Variants in DLGAP5 observed in about 807,000 individuals in gnomAD.
DLGAP5 encodes disks large-associated protein 5.
In DLGAP5, 90 loss-of-function variants were observed where a neutral mutation model predicts 99.6. The ratio of observed to expected loss-of-function variants is 0.90; its 90% CI spans 0.76 to 1.08. The LOEUF (loss-of-function observed/expected upper bound fraction) is 1.08. DLGAP5 is among the 50% of genes least tolerant of loss of function. The pLI, the probability that DLGAP5 is intolerant of heterozygous loss-of-function variation, is 0.00. For synonymous variants in DLGAP5, 311 were observed against 321.3 expected, an observed-to-expected ratio of 0.97 and a Z score of 0.34; for missense variants, 1,036 against 983.5, an observed-to-expected ratio of 1.05 and a Z score of -0.71.
At chr14:55,148,594 C>T (rs1006026505) in intron 18 of DLGAP5, 121 bp from the exon 19 acceptor site, 1 of 1,552,870 alleles carries the variant, frequency 6.4e-7, no homozygotes, top group East Asian at 2.4e-5. Context: ...TGGTGCACAC[C>T]TGTAGTCCCA....
Position 55,163,090 on chromosome 14 carries a change from C to A in DLGAP5, c.1549-15G>T. On this transcript the variant is annotated splice_polypyrimidine_tract_variant and intron_variant, in intron 12 of 18. Coordinates refer to ENST00000247191, the MANE Select transcript of DLGAP5 (RefSeq NM_014750.5). ...ACATCTTCTATCTGTTAATAAAGCA[C>A]AAGTTTACCAGATTAATGCTAGCCA... 1 of 1,503,204 alleles carries A rather than the reference C, an allele frequency of 6.7e-7. No homozygotes were observed. The highest frequency in any genetic ancestry group is 9.1e-7 in the Non-Finnish European group (1 of 1,100,492). 93.1% of individuals were successfully genotyped at this position (1,503,204 alleles called of 1,614,324 possible).
At chr14:55,158,367 C>G (rs1050558464) in intron 14 of DLGAP5, among the ~76,000 whole-genome samples, 155 bp downstream of exon 14, 2 of 152,098 alleles carry the variant, frequency 1.3e-5, no homozygotes, top group African/African-American at 2.4e-5. Flanking sequence ...TGTTTGTGAG[C>G]GAGCATAGTC....
intron 12 of DLGAP5, among the ~76,000 whole-genome samples, chr14:55,163,870 G>A (rs1882536442): frequency 6.6e-6 from 1 of 152,108 alleles, no homozygotes; most frequent in African/African-American, 2.4e-5. Context: ...TTTTAATTGG[G>A]TTGTTCGTTT....
Position 55,177,053 on chromosome 14 carries a change from T to C in DLGAP5, c.1049+9A>G. Reference sequence around the variant, plus strand: ...AGCAAGAGACTTATTATTAAGATCATATTCTTACACTTCTGTTTTTAAAGG... The same window carrying C: ...AGCAAGAGACTTATTATTAAGATCACATTCTTACACTTCTGTTTTTAAAGG... On this transcript the variant is annotated intron_variant, in intron 8 of 18. Transcript: ENST00000247191. The C allele has an allele frequency of 7.4e-6, 10 of 1,350,044 alleles. No homozygotes were observed. Among genetic ancestry groups the C allele is most frequent in the Non-Finnish European group, 9.6e-6 (10 of 1,040,990 alleles). The allele number at this position is 1,350,044 out of a possible 1,614,324, so 83.6% of individuals were successfully genotyped here.
At chr14:55,166,218 A>C (rs905826004) in intron 12 of DLGAP5, among the ~76,000 whole-genome samples, 1 of 152,248 alleles carries the variant, frequency 6.6e-6, no homozygotes, top group East Asian at 1.9e-4. Flanking sequence ...AAAGGTGTGA[A>C]GTACACAAGG....
At chr14:55,162,127 T>C (rs1389292409) in intron 13 of DLGAP5, among the ~76,000 whole-genome samples, 1 of 152,006 alleles carries the variant, frequency 6.6e-6, no homozygotes, top group Admixed American at 6.6e-5. Context: ...AAAACATTAC[T>C]AGAAAGATAA....
At chr14:55,185,431 C>T (rs542659768) in intron 2 of DLGAP5, among the ~76,000 whole-genome samples, 3 of 152,276 alleles carry the variant, frequency 2.0e-5, no homozygotes, top group South Asian at 2.1e-4. Flanking sequence ...GAACTCCTGA[C>T]CTCATGATTC....
intron 12 of DLGAP5, among the ~76,000 whole-genome samples, chr14:55,167,063 T>A (rs1359709447): frequency 1.3e-5 from 2 of 151,898 alleles, no homozygotes; most frequent in Non-Finnish European, 2.9e-5. Context: ...AAGACAAGCC[T>A]GACCAACATG....
At chr14:55,162,618 C>CAAAAAA (rs368322756) in intron 13 of DLGAP5, among the ~76,000 whole-genome samples, 1 of 138,986 alleles carries the variant, frequency 7.2e-6, no homozygotes. Flanking sequence ...GATTCCATCT[C>CAAAAAA]AAAAAAAAAA....
chr14:55,166,633 G>A (rs1293334205), intron 12 of DLGAP5, among the ~76,000 whole-genome samples: 2 of 151,930 alleles, frequency 1.3e-5, no homozygotes, highest in African/African-American at 4.8e-5. Context: ...GGAGACTGAG[G>A]CAGGAGAATC....
chr14:55,175,313 C>A lies in DLGAP5; in HGVS notation c.1301+33G>T, dbSNP rs914403645. 4 of 1,588,966 alleles carry A rather than the reference C, an allele frequency of 2.5e-6. 1 individual carries two copies. In the South Asian group the frequency reaches 4.7e-5, roughly 19 times the overall value. ...GGTTTTAAATGTCTAGATATTAATA[C>A]AAAATTCTTACACTAGAAACACACA... is the stretch of plus-strand genomic sequence containing the variant. On this transcript the variant is annotated intron_variant, in intron 10 of 18. Coordinates refer to ENST00000247191, the MANE Select transcript of DLGAP5 (RefSeq NM_014750.5).
Position 55,175,352 on chromosome 14 carries a change from T to A in DLGAP5, c.1295A>T (p.Tyr432Phe). The A allele has an allele frequency of 6.2e-7, 1 of 1,608,920 alleles. No individual in the cohort carries two copies. Among genetic ancestry groups the A allele is most frequent in the Non-Finnish European group, 8.5e-7 (1 of 1,178,548 alleles). ...RIAQPHHGVP[Y>F]FRNILQSETE... ...TAGAAACACACAGACATACCTGAAA[T>A]ATGGCACACCATGGTGGGGCTGAGC... The change falls in exon 10 of 19, where the codon TAT becomes TTT. Residue 432 changes from tyrosine to phenylalanine, a missense_variant. By Grantham distance (22) the Tyr-to-Phe change is conservative. Transcript: ENST00000247191.
chr14:55,163,135 T>A (rs1318835377), intron 12 of DLGAP5, 60 bp from the exon 13 acceptor site: 4 of 1,033,348 alleles, frequency 3.9e-6, no homozygotes, highest in Non-Finnish European at 4.1e-6. Flanking sequence ...TATAAACGAA[T>A]GAGCTGAAGA....
Position 55,188,989 on chromosome 14 carries a change from T to A in DLGAP5, c.191A>T (p.Asp64Val). 1 of 1,613,940 alleles carries A rather than the reference T, an allele frequency of 6.2e-7. No homozygotes were observed. The change falls in exon 2 of 19, where the codon GAT (aspartate) becomes GTT (valine). Residue 64 changes from aspartate (D) to valine (V), a missense_variant. Asp to Val is a radical substitution (Grantham distance 152, BLOSUM62 -3). Coordinates refer to ENST00000247191, the MANE Select transcript of DLGAP5 (RefSeq NM_014750.5). Reference sequence around the variant, plus strand: ...TGGAACAAGCCCTTGAGATGTCTCATCTAATTCAACAAGAATTCTACCTTC... The same window carrying A: ...TGGAACAAGCCCTTGAGATGTCTCAACTAATTCAACAAGAATTCTACCTTC... ...TLEGRILVEL[D>V]ETSQGLVPEK... is the part of the protein sequence containing the mutation.
At chr14:55,172,935 T>C (rs1474968013) in intron 10 of DLGAP5, among the ~76,000 whole-genome samples, 2 of 130,126 alleles carry the variant, frequency 1.5e-5, no homozygotes, top group African/African-American at 3.0e-5. Flanking sequence ...AGAGCCAAGA[T>C]CGCGCCATTG....
chr14:55,187,775 A>G (rs1264639494), intron 2 of DLGAP5, among the ~76,000 whole-genome samples: 1 of 152,208 alleles, frequency 6.6e-6, no homozygotes, highest in Admixed American at 6.5e-5. Flanking sequence ...CTAGGGCTAC[A>G]GGCCTGACTC....
intron 13 of DLGAP5, among the ~76,000 whole-genome samples, chr14:55,161,254 A>G (rs1182418163): frequency 1.3e-5 from 2 of 152,172 alleles, no homozygotes; most frequent in Non-Finnish European, 2.9e-5. Flanking sequence ...GATGATATTA[A>G]TATTTCCAGG....
chr14:55,175,026 T>C (rs1328111261), intron 10 of DLGAP5, among the ~76,000 whole-genome samples: 2 of 152,150 alleles, frequency 1.3e-5, no homozygotes, highest in Non-Finnish European at 2.9e-5. Context: ...AAAATGTACA[T>C]GTTATATTTG....
intron 2 of DLGAP5, among the ~76,000 whole-genome samples, chr14:55,188,117 A>G (rs1009209745): frequency 6.6e-6 from 1 of 152,174 alleles, no homozygotes; most frequent in Non-Finnish European, 1.5e-5. Flanking sequence ...TCAGATAAAA[A>G]ATGTTTGGTT....
Sources: allele counts gnomAD v4.1 joint callset (sites outside exome capture counted in the v4.1 genomes callset), GRCh38; gene constraint gnomAD v4.1.1; transcripts MANE v1.5; gene names NCBI Gene and HGNC (gene_info 2026-07-23, HGNC 2026-07-21).